SLC39A14: variants seen among roughly 807,000 people sequenced by gnomAD.
SLC39A14 encodes the protein metal cation symporter ZIP14.
A neutral mutation model predicts 45.5 loss-of-function variants in SLC39A14; 19 were observed. That is an observed-to-expected ratio of 0.42 (90% CI 0.29 to 0.61). The LOEUF (loss-of-function observed/expected upper bound fraction) is 0.61. Ranked by LOEUF, SLC39A14 falls within the 20% of genes least tolerant of loss-of-function variation. SLC39A14 has a pLI of 0.22. For missense variants in SLC39A14, 447 were observed against 616.5 expected (o/e 0.73, Z 2.91); for synonymous variants, 264 against 251.3 (o/e 1.05, Z -0.48).
chr8:22,427,296 T>C (rs1265900396), downstream of SLC39A14, among the ~76,000 whole-genome samples: 7 of 151,906 alleles, frequency 4.6e-5, no homozygotes, highest in African/African-American at 1.5e-4. Flanking sequence ...TGAAACTCCA[T>C]CTCGAAAAGA....
intron 1 of SLC39A14, 117 bp from the exon 2 acceptor site, chr8:22,404,579 C>G (rs1278131708): frequency 4.4e-6 from 4 of 910,310 alleles, no homozygotes; most frequent in Non-Finnish European, 5.0e-6. Context: ...CAAGAAGGAG[C>G]AGAGAAGCAG....
At chr8:22,389,563 A>G (rs561886459) in intron 1 of SLC39A14, among the ~76,000 whole-genome samples, 140 of 152,136 alleles carry the variant, frequency 9.2e-4, no homozygotes, top group African/African-American at 3.2e-3. Context: ...CCATCCAAGC[A>G]TGCCTCGCTA....
intron 1 of SLC39A14, among the ~76,000 whole-genome samples, chr8:22,368,541 A>C (rs1563460124): frequency 1.4e-5 from 1 of 72,946 alleles, no homozygotes; most frequent in Admixed American, 1.4e-4. Context: ...ATTTTATTGT[A>C]TTTTATTTTA....
chr8:22,381,954 G>A (rs1472645445), intron 1 of SLC39A14, among the ~76,000 whole-genome samples: 2 of 151,988 alleles, frequency 1.3e-5, no homozygotes, highest in Non-Finnish European at 2.9e-5. Flanking sequence ...CAGCCTGGCC[G>A]ACATGGTGAA....
At chr8:22,372,748 G>T (rs1018712222) in intron 1 of SLC39A14, among the ~76,000 whole-genome samples, 3 of 151,894 alleles carry the variant, frequency 2.0e-5, no homozygotes, top group East Asian at 1.9e-4. Context: ...CCCTTACATT[G>T]TCTTTTGTAT....
intron 1 of SLC39A14, among the ~76,000 whole-genome samples, chr8:22,370,422 C>T (rs1009979753): frequency 6.6e-6 from 1 of 152,182 alleles, no homozygotes; most frequent in Non-Finnish European, 1.5e-5. Flanking sequence ...CCTGCCTGCA[C>T]CTGACCTGGC....
intron 1 of SLC39A14, among the ~76,000 whole-genome samples, chr8:22,395,219 A>C (rs543455951): frequency 9.9e-5 from 15 of 152,264 alleles, no homozygotes; most frequent in African/African-American, 3.4e-4. Flanking sequence ...CATATTGACC[A>C]GGTTGGTCTT....
chr8:22,408,554 A>T, intron 3 of SLC39A14, 58 bp downstream of exon 3: 1 of 1,494,094 alleles, frequency 6.7e-7, no homozygotes, highest in Non-Finnish European at 9.0e-7. Flanking sequence ...TCTCACAAGG[A>T]CCCCTGGGCT....
At chr8:22,429,881 G>T (rs529021505) in intron 8 of SLC39A14, among the ~76,000 whole-genome samples, 1 of 152,248 alleles carries the variant, frequency 6.6e-6, no homozygotes, top group East Asian at 1.9e-4. Flanking sequence ...GACAGGGATA[G>T]AGGTGATCAG....
chr8:22,422,025 GATTGTGGCAACAGCTTTGCCTC>G lies in SLC39A14; in HGVS notation c.*2330_*2351del. ...ACATCGTCTGACTTGAGTCGCCACT[GATTGTGGCAACAGCTTTGCCTC>G]ATGAGTCAAAAATTGGCAATTTCTT... is the stretch of plus-strand genomic sequence containing the variant. On this transcript the variant is annotated 3_prime_UTR_variant, in exon 9 of 9. Transcript: ENST00000381237. 2.0e-6 allele frequency: 2 copies of G among 985,368 alleles called. No homozygotes were observed. Among genetic ancestry groups the G allele is most frequent in the African/African-American group, 3.5e-5 (2 of 57,366 alleles). The allele number at this position is 985,368 out of a possible 1,614,324, so 61.0% of individuals were successfully genotyped here.
At chr8:22,386,323 A>G (rs1253011927) in intron 1 of SLC39A14, among the ~76,000 whole-genome samples, 2 of 147,090 alleles carry the variant, frequency 1.4e-5, no homozygotes, top group East Asian at 2.0e-4. Context: ...CTGGAGTGCA[A>G]TGGCACGATC....
chr8:22,385,261 G>A (rs1196785744), intron 1 of SLC39A14, among the ~76,000 whole-genome samples: 1 of 152,134 alleles, frequency 6.6e-6, no homozygotes, highest in Non-Finnish European at 1.5e-5. Flanking sequence ...AAAGTGAAAT[G>A]TGTGGCGCCT....
At chr8:22,401,805 G>A (rs1329929452) in intron 1 of SLC39A14, among the ~76,000 whole-genome samples, 1 of 151,766 alleles carries the variant, frequency 6.6e-6, no homozygotes, top group Non-Finnish European at 1.5e-5. Context: ...CGAAGCGCTG[G>A]GATTACAGGC....
chr8:22,424,095 T>C (rs543315847), downstream of SLC39A14, among the ~76,000 whole-genome samples: 1 of 152,230 alleles, frequency 6.6e-6, no homozygotes, highest in African/African-American at 2.4e-5. Context: ...CAAAATCGAT[T>C]AGTTTATCTC....
downstream of SLC39A14, among the ~76,000 whole-genome samples, chr8:22,426,032 A>G (rs1396736001): frequency 1.3e-5 from 2 of 151,930 alleles, no homozygotes; most frequent in African/African-American, 4.8e-5. Flanking sequence ...AGCTGGGATT[A>G]TAGGCATGAG....
At chr8:22,422,747 C>T (rs1393559546), downstream of SLC39A14, 5 of 981,194 alleles carry the variant, frequency 5.1e-6, no homozygotes, top group Non-Finnish European at 3.6e-6. Context: ...CACAAGGTGG[C>T]GATGGTGTCT....
chr8:22,408,420 C>T lies in SLC39A14; in HGVS notation c.381C>T (p.Ser127=). The change falls in exon 3 of 9, where the codon TCC becomes TCT. Residue 127 remains serine (S), a synonymous_variant. Coordinates refer to ENST00000381237, the MANE Select transcript of SLC39A14 (RefSeq NM_001128431.4). ...CCACCATCCTCCAGCAGCTGGATTC[C>T]CGGGCCTGCACCTCGGAGAACCAGG... is the stretch of plus-strand genomic sequence containing the variant. ...FCPTILQQLD[S]RACTSENQEN... is the part of the protein sequence containing the mutation. The T allele has an allele frequency of 6.2e-7, 1 of 1,614,216 alleles. No individual in the cohort carries two copies.
chr8:22,397,589 C>CAAAA lies in SLC39A14; in HGVS notation c.-15-7098_-15-7095dup, dbSNP rs368412794. ...CGGGCGAAAGAGCGAGACTCCGTCC[C>CAAAA]AAAAAAAAAAAAGAAAGACCTCCTC... On this transcript the variant is annotated intron_variant, in intron 1 of 8. Transcript: ENST00000381237. 2.1e-5 allele frequency among the ~76,000 whole-genome samples: 3 copies of CAAAA among 142,638 alleles called. No homozygotes were observed. In the East Asian group the frequency reaches 6.1e-4, roughly 29 times the overall value. The allele number at this position is 142,638 out of a possible 152,430, so 93.6% of individuals were successfully genotyped here. A position where few individuals can be genotyped will look rare whatever the true frequency, so the allele number is the denominator to read the frequency against.
At chr8:22,372,520 G>A (rs934762861) in intron 1 of SLC39A14, among the ~76,000 whole-genome samples, 1 of 152,152 alleles carries the variant, frequency 6.6e-6, no homozygotes, top group African/African-American at 2.4e-5. Context: ...GAATATATCT[G>A]TGAAGTGGAA....
Sources: allele counts gnomAD v4.1 joint callset (sites outside exome capture counted in the v4.1 genomes callset), GRCh38; gene constraint gnomAD v4.1.1; transcripts MANE v1.5; gene names NCBI Gene and HGNC (gene_info 2026-07-23, HGNC 2026-07-21).